Variants in CNNM4 observed in about 807,000 individuals in gnomAD.
The protein encoded by CNNM4 is metal transporter CNNM4.
In CNNM4, 32 loss-of-function variants were observed where a neutral mutation model predicts 53.7. The ratio of observed to expected loss-of-function variants is 0.60; its 90% CI spans 0.45 to 0.80. The LOEUF (loss-of-function observed/expected upper bound fraction) is 0.80, where lower values mean the gene tolerates loss of function less well. Ranked by LOEUF, CNNM4 falls within the 30% of genes least tolerant of loss-of-function variation. CNNM4 has a pLI of 0.00. For missense variants in CNNM4, 784 were observed against 1,022.0 expected (o/e 0.77, Z 3.17); for synonymous variants, 410 against 440.0 (o/e 0.93, Z 0.85).
At chr2:96,783,908 C>T (rs1574067533) in intron 1 of CNNM4, among the ~76,000 whole-genome samples, 1 of 151,980 alleles carries the variant, frequency 6.6e-6, no homozygotes, top group Non-Finnish European at 1.5e-5. Context: ...AAGCAGCGTA[C>T]AAAACAATAT....
At chr2:96,806,160 G>C (rs1447419926) in intron 5 of CNNM4, among the ~76,000 whole-genome samples, 1 of 151,748 alleles carries the variant, frequency 6.6e-6, no homozygotes, top group Non-Finnish European at 1.5e-5. Context: ...CGGACGGGGC[G>C]GCTGGCCGGG....
At chr2:96,763,318 A>C (rs971150847) in intron 1 of CNNM4, among the ~76,000 whole-genome samples, 2 of 151,514 alleles carry the variant, frequency 1.3e-5, no homozygotes, top group African/African-American at 4.9e-5. Context: ...CAAGGCACAC[A>C]CTCCTTTTCT....
At chr2:96,768,622 A>T (rs1323447193) in intron 1 of CNNM4, among the ~76,000 whole-genome samples, 1 of 152,122 alleles carries the variant, frequency 6.6e-6, no homozygotes, top group Non-Finnish European at 1.5e-5. Context: ...GCAATCGGGA[A>T]AGGGGGACGA....
intron 1 of CNNM4, among the ~76,000 whole-genome samples, chr2:96,764,631 C>T (rs577957825): frequency 6.6e-6 from 1 of 152,214 alleles, no homozygotes; most frequent in Non-Finnish European, 1.5e-5. Context: ...TCCAATCTGG[C>T]GTCCACCTTC....
At chr2:96,799,364 GCCCCACGTGGCCATCCTCT>G in intron 4 of CNNM4, 138 bp downstream of exon 4, 1 of 1,266,258 alleles carries the variant, frequency 7.9e-7, no homozygotes, top group African/African-American at 1.5e-5. Context: ...AGCCCCGCCT[GCCCCACGTGGCCATCCTCT>G]CCCTGAGAGG....
At position 96,761,819 on chromosome 2, in the gene CNNM4, T is replaced by C; in HGVS notation, c.820T>C (p.Ser274Pro). The C allele has an allele frequency of 6.2e-7, 1 of 1,613,936 alleles. No homozygotes were observed. The highest frequency in any genetic ancestry group is 8.5e-7 in the Non-Finnish European group (1 of 1,179,958). ...CGGGTCCGGCCTCATGGCGGTGGCC[T>C]CCTCCACCATTGGCATTGTCATCTT... is the stretch of plus-strand genomic sequence containing the variant. ...LIGSGLMAVA[S>P]STIGIVIFGE... The change falls in exon 1 of 7, where the codon TCC becomes CCC. Residue 274 changes from serine (S) to proline (P), a missense_variant. Ser to Pro is a moderately conservative substitution (Grantham distance 74). This residue lies in a region of CNNM4 where 473 missense variants were observed against 624.6 expected (regional missense o/e 0.76). Coordinates refer to ENST00000377075, the MANE Select transcript of CNNM4 (RefSeq NM_020184.4). The surrounding 1 kb of genome is among the most constrained non-coding windows in gnomAD (Gnocchi z 6.0).
intron 5 of CNNM4, among the ~76,000 whole-genome samples, chr2:96,803,741 T>G (rs1285465141): frequency 6.6e-6 from 1 of 151,826 alleles, no homozygotes; most frequent in Non-Finnish European, 1.5e-5. Context: ...AAAAAAAACC[T>G]TGCAGTTTTT....
intron 5 of CNNM4, among the ~76,000 whole-genome samples, chr2:96,807,782 CAG>C (rs530774182): frequency 9.9e-5 from 15 of 152,126 alleles, no homozygotes; most frequent in African/African-American, 2.9e-4. Flanking sequence ...TGTGTATTCA[CAG>C]AGAGAGAGTG....
chr2:96,783,622 A>G (rs1347409603), intron 1 of CNNM4, among the ~76,000 whole-genome samples: 1 of 152,180 alleles, frequency 6.6e-6, no homozygotes, highest in African/African-American at 2.4e-5. Flanking sequence ...TCTTCTAGGA[A>G]GCATTAAGTC....
In CNNM4 at chr2:96,765,134, T is replaced by G. The variant is rs140756600; in HGVS notation, c.1402+2733T>G. Among the ~76,000 whole-genome samples the G allele has an allele frequency of 7.2e-3, 1,065 of 148,232 alleles. 8 individuals carry two copies. The highest frequency in any genetic ancestry group is 0.025 in the African/African-American group (993 of 40,120). ...TTTTATTTGTTTGTTTGTTGTTGTT[T>G]TTTTTTTTTGAGACGGAGTTTTGCT... On this transcript the variant is annotated intron_variant, in intron 1 of 6. Transcript: ENST00000377075.
At chr2:96,795,380 A>T (rs1218645445) in intron 1 of CNNM4, among the ~76,000 whole-genome samples, 1 of 152,216 alleles carries the variant, frequency 6.6e-6, no homozygotes, top group Non-Finnish European at 1.5e-5. Context: ...GAGTCCAGCC[A>T]TGGCTTTGTC....
intron 1 of CNNM4, among the ~76,000 whole-genome samples, chr2:96,775,104 A>G (rs1289437278): frequency 6.6e-6 from 1 of 151,518 alleles, no homozygotes; most frequent in African/African-American, 2.4e-5. Context: ...TGCATAATAT[A>G]GAGAAAAGTG....
At chr2:96,788,535 G>A (rs112859305) in intron 1 of CNNM4, 3 of 152,312 alleles carry the variant, frequency 2.0e-5, no homozygotes, top group East Asian at 3.8e-4. Flanking sequence ...CCTTCTTGCT[G>A]GGCTGGCTGC....
In CNNM4 at chr2:96,761,618, ATG is replaced by A. The variant is rs757363494; in HGVS notation, c.620_621del (p.Met207SerfsTer26). 42 of 1,613,798 alleles carry A rather than the reference ATG, an allele frequency of 2.6e-5. No homozygotes were observed. Among genetic ancestry groups the A allele is most frequent in the Non-Finnish European group, 3.5e-5 (41 of 1,180,026 alleles). On this transcript the variant is annotated frameshift_variant, in exon 1 of 7. Transcript: ENST00000377075. LOFTEE classifies it high-confidence loss of function. The surrounding 1 kb of genome is among the most constrained non-coding windows in gnomAD (Gnocchi z 6.0). ...GIFSGLNLGL[M>X]ALDPMELRIV... ...ATTTTCTGGCCTCAACCTCGGGCTT[ATG>A]GCCCTGGACCCCATGGAGCTGCGCA...
At chr2:96,771,236 C>T (rs566106942) in intron 1 of CNNM4, among the ~76,000 whole-genome samples, 3 of 151,580 alleles carry the variant, frequency 2.0e-5, no homozygotes, top group Non-Finnish European at 4.4e-5. Flanking sequence ...TGGCTTATGT[C>T]GTAGGCTAGA....
At chr2:96,807,542 A>G (rs2079220834) in intron 5 of CNNM4, among the ~76,000 whole-genome samples, 1 of 151,998 alleles carries the variant, frequency 6.6e-6, no homozygotes, top group Admixed American at 6.6e-5. Flanking sequence ...AAAAACAAAA[A>G]CAAAAACAAA....
Position 96,761,599 on chromosome 2 carries a change from T to A in CNNM4, c.600T>A (p.Ser200=). Residue 200 remains serine, a synonymous_variant, in exon 1 of 7, where the codon TCT becomes TCA. Transcript: ENST00000377075. The surrounding 1 kb of genome is among the most constrained non-coding windows in gnomAD (Gnocchi z 6.0). ...TGCTGGTGCTGTCGGGCATATTTTC[T>A]GGCCTCAACCTCGGGCTTATGGCCC... The part of the protein sequence containing the change: ...TVLLVLSGIF[S]GLNLGLMALD... The A allele has an allele frequency of 6.2e-7, 1 of 1,614,176 alleles. No individual in the cohort carries two copies. Among genetic ancestry groups the A allele is most frequent in the South Asian group, 1.1e-5 (1 of 91,086 alleles).
chr2:96,805,140 A>G (rs556367855), intron 5 of CNNM4, among the ~76,000 whole-genome samples: 33 of 152,206 alleles, frequency 2.2e-4, no homozygotes, highest in African/African-American at 7.7e-4. Flanking sequence ...TAATACCCCT[A>G]GTATTTCTGC....
At chr2:96,780,268 G>T (rs904096748) in intron 1 of CNNM4, among the ~76,000 whole-genome samples, 4 of 152,012 alleles carry the variant, frequency 2.6e-5, no homozygotes, top group African/African-American at 9.7e-5. Flanking sequence ...TCTAAAATTT[G>T]ATTTTCCAAA....
Sources: allele counts gnomAD v4.1 joint callset (sites outside exome capture counted in the v4.1 genomes callset), GRCh38; gene constraint gnomAD v4.1.1; regional missense constraint gnomAD v4.1.1; non-coding constraint Gnocchi (gnomAD v3.1); transcripts MANE v1.5; gene names NCBI Gene and HGNC (gene_info 2026-07-23, HGNC 2026-07-21).